PLXDC2: variants seen among roughly 807,000 people sequenced by gnomAD.
The protein encoded by PLXDC2 is plexin domain-containing protein 2.
Under a neutral mutation model 68.9 loss-of-function variants are expected in PLXDC2, and 40 were observed. The ratio of observed to expected loss-of-function variants is 0.58; its 90% confidence interval spans 0.45 to 0.76. The LOEUF (loss-of-function observed/expected upper bound fraction) is 0.76, where lower values mean the gene tolerates loss of function less well. PLXDC2 is among the 30% of genes least tolerant of loss of function. The probability of loss-of-function intolerance (pLI) is 0.00; values close to 1 mark genes in which losing one functional copy is unlikely to be tolerated. For synonymous variants in PLXDC2, 243 were observed against 234.2 expected (o/e 1.04, Z -0.34); for missense variants, 644 against 661.9 (o/e 0.97, Z 0.30).
intron 1 of PLXDC2, among the ~76,000 whole-genome samples, chr10:19,893,583 C>G (rs1838004856): frequency 6.6e-6 from 1 of 152,196 alleles, no homozygotes; most frequent in South Asian, 2.1e-4. Context: ...GGTGGAAGCT[C>G]TGTGCAAAAA....
At chr10:20,015,225 A>G (rs1447324871) in intron 2 of PLXDC2, among the ~76,000 whole-genome samples, 1 of 152,142 alleles carries the variant, frequency 6.6e-6, no homozygotes. Context: ...AAAATTAGGA[A>G]CTCAAGAACT....
chr10:20,247,296 C>CAAAAAAAAA (rs77665495), intron 13 of PLXDC2, among the ~76,000 whole-genome samples: 3 of 96,438 alleles, frequency 3.1e-5, no homozygotes, highest in Admixed American at 1.1e-4. Context: ...TTCATCTCTA[C>CAAAAAAAAA]AAAAAAAAAA....
At chr10:20,010,661 G>A (rs573967780) in intron 2 of PLXDC2, among the ~76,000 whole-genome samples, 16 of 152,110 alleles carry the variant, frequency 1.1e-4, no homozygotes, top group Non-Finnish European at 1.9e-4. Context: ...ATACATGCAG[G>A]TTGTAAAATT....
intron 3 of PLXDC2, among the ~76,000 whole-genome samples, chr10:20,047,827 T>C (rs1835823078): frequency 6.6e-6 from 1 of 152,090 alleles, no homozygotes; most frequent in Admixed American, 6.6e-5. Context: ...CTGCCCAAGG[T>C]CTCCACTAGA....
At chr10:20,246,093 C>T (rs1166662952) in intron 13 of PLXDC2, among the ~76,000 whole-genome samples, 1 of 152,238 alleles carries the variant, frequency 6.6e-6, no homozygotes, top group East Asian at 1.9e-4. Context: ...TCCACACACT[C>T]AGACACACAA....
chr10:20,075,070 C>G (rs551436667), intron 4 of PLXDC2, among the ~76,000 whole-genome samples: 1 of 152,274 alleles, frequency 6.6e-6, no homozygotes, highest in South Asian at 2.1e-4. Flanking sequence ...CTGAATAATT[C>G]TCTGAGATAG....
At chr10:19,863,299 A>C (rs1331114972) in intron 1 of PLXDC2, among the ~76,000 whole-genome samples, 1 of 152,206 alleles carries the variant, frequency 6.6e-6, no homozygotes, top group South Asian at 2.1e-4. Context: ...ATCCCAGTTC[A>C]AAACAATATT....
chr10:20,032,216 G>GA (rs2131668345), intron 2 of PLXDC2, among the ~76,000 whole-genome samples: 1 of 152,316 alleles, frequency 6.6e-6, no homozygotes, highest in East Asian at 1.9e-4. Flanking sequence ...AATTAAAACA[G>GA]ACTAAGGGAG....
intron 4 of PLXDC2, among the ~76,000 whole-genome samples, chr10:20,071,827 G>A (rs192908091): frequency 3.4e-4 from 52 of 152,302 alleles, no homozygotes; most frequent in Middle Eastern, 3.4e-3. Context: ...ATAATCTTTG[G>A]CATTGGCCTT....
chr10:20,102,490 T>C (rs1212435868), intron 4 of PLXDC2, among the ~76,000 whole-genome samples: 1 of 152,216 alleles, frequency 6.6e-6, no homozygotes, highest in African/African-American at 2.4e-5. Flanking sequence ...TTAAATGGAC[T>C]ATATGTCTGT....
chr10:19,823,813 G>A (rs1311106231), intron 1 of PLXDC2, among the ~76,000 whole-genome samples: 1 of 152,022 alleles, frequency 6.6e-6, no homozygotes, highest in African/African-American at 2.4e-5. Context: ...ATAGGGAAGA[G>A]ACCTCATCTC....
chr10:20,083,858 T>C (rs915714638), intron 4 of PLXDC2, among the ~76,000 whole-genome samples: 5 of 152,216 alleles, frequency 3.3e-5, no homozygotes, highest in African/African-American at 1.2e-4. Flanking sequence ...AAAACTGAAT[T>C]AATATCAAAT....
chr10:20,131,512 G>C (rs1284415431), intron 4 of PLXDC2, among the ~76,000 whole-genome samples: 1 of 152,040 alleles, frequency 6.6e-6, no homozygotes, highest in Admixed American at 6.6e-5. Context: ...CAATTCTCCT[G>C]TCTCAGCCTC....
chr10:20,237,902 T>A (rs1835455424), intron 12 of PLXDC2, among the ~76,000 whole-genome samples: 1 of 152,170 alleles, frequency 6.6e-6, no homozygotes, highest in African/African-American at 2.4e-5. Context: ...TGAATAAAAT[T>A]TCAGACAAAG....
chr10:19,926,222 C>T (rs1211645948), intron 1 of PLXDC2, among the ~76,000 whole-genome samples: 1 of 152,162 alleles, frequency 6.6e-6, no homozygotes, highest in Non-Finnish European at 1.5e-5. Context: ...TCTATCATCC[C>T]ATGGTATAAA....
intron 2 of PLXDC2, among the ~76,000 whole-genome samples, chr10:20,014,758 TG>T: frequency 6.6e-6 from 1 of 152,332 alleles, no homozygotes; most frequent in South Asian, 2.1e-4. Context: ...TAAAAAATTT[TG>T]CTTTGTCCAT....
intron 2 of PLXDC2, among the ~76,000 whole-genome samples, chr10:20,011,875 C>T (rs1835120235): frequency 1.3e-5 from 2 of 152,146 alleles, no homozygotes; most frequent in South Asian, 4.1e-4. Flanking sequence ...GTTGGGTACA[C>T]GAATCACAGT....
intron 3 of PLXDC2, among the ~76,000 whole-genome samples, chr10:20,052,043 G>A (rs1004040882): frequency 4.0e-5 from 6 of 151,080 alleles, no homozygotes; most frequent in African/African-American, 9.7e-5. Flanking sequence ...CACACACACC[G>A]CACACGACCA....
chr10:20,047,764 A>G (rs1304405870), intron 3 of PLXDC2, among the ~76,000 whole-genome samples: 1 of 152,136 alleles, frequency 6.6e-6, no homozygotes, highest in Admixed American at 6.6e-5. Flanking sequence ...AAATATTATT[A>G]CATCACACAT....
Sources: gnomAD v4.1 joint callset for allele counts (sites outside exome capture counted in the v4.1 genomes callset) on GRCh38, gnomAD v4.1.1 for gene constraint, MANE v1.5 for transcripts, NCBI Gene and HGNC (gene_info 2026-07-23, HGNC 2026-07-21) for gene names.